NEDD4L: variants seen among roughly 807,000 people sequenced by gnomAD.
NEDD4L encodes NEDD4 like E3 ubiquitin protein ligase, also known as E3 ubiquitin-protein ligase NEDD4-like.
A neutral mutation model predicts 148.9 loss-of-function variants in NEDD4L; 54 were observed. That is an observed-to-expected ratio of 0.36 (90% CI 0.29 to 0.45). The LOEUF (loss-of-function observed/expected upper bound fraction) is 0.45, where lower values mean the gene tolerates loss of function less well. Among genes scored for constraint, NEDD4L ranks in the 20% least tolerant of loss-of-function variants. NEDD4L has a pLI of 1.00. For missense variants in NEDD4L, 856 were observed against 1,233.8 expected, an observed-to-expected ratio of 0.69 and a Z score of 4.59; for synonymous variants, 433 against 440.7, an observed-to-expected ratio of 0.98 and a Z score of 0.22.
chr18:58,364,668 T>TA (rs534010866), intron 20 of NEDD4L, among the ~76,000 whole-genome samples: 111 of 152,328 alleles, frequency 7.3e-4, no homozygotes, highest in African/African-American at 2.5e-3. Flanking sequence ...TATGCGCAGT[T>TA]ATCATATTTA....
chr18:58,219,367 G>A (rs2043488601), intron 2 of NEDD4L, among the ~76,000 whole-genome samples: 1 of 152,180 alleles, frequency 6.6e-6, no homozygotes, highest in Admixed American at 6.5e-5. Context: ...ATGGTTATGG[G>A]GGAATGGTTA....
chr18:58,340,558 G>A (rs1038530379), intron 13 of NEDD4L, among the ~76,000 whole-genome samples: 1 of 152,176 alleles, frequency 6.6e-6, no homozygotes, highest in African/African-American at 2.4e-5. Flanking sequence ...AGAAGCTACA[G>A]TGTTAGGGTC....
At chr18:58,367,424 A>G (rs1212341279) in intron 21 of NEDD4L, among the ~76,000 whole-genome samples, 1 of 152,206 alleles carries the variant, frequency 6.6e-6, no homozygotes, top group Non-Finnish European at 1.5e-5. Flanking sequence ...GAATCCCTGC[A>G]CAGCCCCTTT....
intron 6 of NEDD4L, among the ~76,000 whole-genome samples, chr18:58,316,959 T>C (rs2058338802): frequency 2.7e-5 from 1 of 36,604 alleles, no homozygotes; most frequent in Admixed American, 2.5e-4. Flanking sequence ...TTACTTTATT[T>C]ACTTTATTTA....
intron 2 of NEDD4L, among the ~76,000 whole-genome samples, chr18:58,210,645 T>G (rs1266414725): frequency 2.0e-5 from 3 of 152,288 alleles, no homozygotes; most frequent in Admixed American, 2.0e-4. Flanking sequence ...ACGGGGTTTC[T>G]CCATGTTGGT....
At chr18:58,159,428 G>A (rs1282042530) in intron 1 of NEDD4L, among the ~76,000 whole-genome samples, 3 of 152,116 alleles carry the variant, frequency 2.0e-5, no homozygotes, top group Non-Finnish European at 2.9e-5. Flanking sequence ...ATTGTAACAG[G>A]GATACTACTC....
intron 2 of NEDD4L, among the ~76,000 whole-genome samples, chr18:58,243,352 T>G (rs1049038773): frequency 4.6e-5 from 7 of 152,240 alleles, no homozygotes; most frequent in African/African-American, 9.6e-5. Context: ...AGCAATAGAT[T>G]GTGGCTGGAA....
intron 2 of NEDD4L, among the ~76,000 whole-genome samples, chr18:58,206,323 A>C (rs2147557863): frequency 6.6e-6 from 1 of 152,292 alleles, no homozygotes; most frequent in East Asian, 1.9e-4. Flanking sequence ...CAGGAGACAG[A>C]GGTTGCAGTG....
At chr18:58,292,191 C>T (rs916585378) in intron 5 of NEDD4L, among the ~76,000 whole-genome samples, 3 of 151,020 alleles carry the variant, frequency 2.0e-5, no homozygotes, top group South Asian at 2.1e-4. Context: ...AAGATTAAAC[C>T]GCAAGTTCCC....
At chr18:58,260,038 A>G (rs1219640657) in intron 5 of NEDD4L, among the ~76,000 whole-genome samples, 1 of 152,194 alleles carries the variant, frequency 6.6e-6, no homozygotes, top group Non-Finnish European at 1.5e-5. Flanking sequence ...TATCCAATGT[A>G]TTAACCACCC....
At chr18:58,114,742 G>A (rs1388928079) in intron 1 of NEDD4L, among the ~76,000 whole-genome samples, 3 of 152,212 alleles carry the variant, frequency 2.0e-5, no homozygotes, top group South Asian at 2.1e-4. Context: ...TGTTCCTCCC[G>A]GAGGCTCTAG....
At chr18:58,114,840 G>C (rs549502105) in intron 1 of NEDD4L, among the ~76,000 whole-genome samples, 1 of 152,202 alleles carries the variant, frequency 6.6e-6, no homozygotes, top group African/African-American at 2.4e-5. Context: ...AAAGCCAGCA[G>C]AGTAGCATCT....
chr18:58,264,544 G>A (rs957599619), intron 5 of NEDD4L, among the ~76,000 whole-genome samples: 1 of 151,980 alleles, frequency 6.6e-6, no homozygotes, highest in Non-Finnish European at 1.5e-5. Context: ...GTGATATCTT[G>A]TACCTGTTTA....
chr18:58,053,260 A>G (rs1324641155), intron 1 of NEDD4L, among the ~76,000 whole-genome samples: 1 of 152,010 alleles, frequency 6.6e-6, no homozygotes, highest in African/African-American at 2.4e-5. Context: ...AAGTGCAGTG[A>G]CAAGGGCCTG....
intron 9 of NEDD4L, among the ~76,000 whole-genome samples, chr18:58,326,494 A>G (rs942249977): frequency 1.3e-5 from 2 of 152,230 alleles, no homozygotes; most frequent in South Asian, 2.1e-4. Flanking sequence ...GCCCATAGCT[A>G]TTAGAATTAT....
Position 58,389,122 on chromosome 18 carries a change from A to C in NEDD4L, c.2585A>C (p.Asp862Ala). The C allele has an allele frequency of 6.2e-7, 1 of 1,613,976 alleles. No individual in the cohort carries two copies. The highest frequency in any genetic ancestry group is 1.1e-5 in the South Asian group (1 of 91,072). The change falls in exon 28 of 31, where the codon GAC (aspartate) becomes GCC (alanine). Residue 862 changes from aspartate to alanine, a missense_variant. Coordinates refer to ENST00000400345, the MANE Select transcript of NEDD4L (RefSeq NM_001144967.3). ...GGCCTCGGTGATGTGGATGTGAATG[A>C]CTGGAGACAGCATTCTATTTACAAG... is the stretch of plus-strand genomic sequence containing the variant. ...MCGLGDVDVN[D>A]WRQHSIYKNG...
chr18:58,128,946 T>C (rs1247990190), intron 1 of NEDD4L, among the ~76,000 whole-genome samples: 1 of 152,222 alleles, frequency 6.6e-6, no homozygotes, highest in Non-Finnish European at 1.5e-5. Context: ...AGTTCCAAGC[T>C]ATGAAGCGCC....
At chr18:58,114,949 T>C (rs2085688647) in intron 1 of NEDD4L, among the ~76,000 whole-genome samples, 1 of 152,234 alleles carries the variant, frequency 6.6e-6, no homozygotes, top group African/African-American at 2.4e-5. Flanking sequence ...TGTGTCCATC[T>C]GGATAATCCA....
chr18:58,373,190 A>G lies in NEDD4L; in HGVS notation c.2273A>G (p.Asn758Ser), dbSNP rs202127939. 1.7e-5 allele frequency: 26 copies of G among 1,564,242 alleles called. No homozygotes were observed. In the Admixed American group the frequency reaches 2.2e-4, roughly 13 times the overall value. The change falls in exon 24 of 31, where the codon AAC becomes AGC. Residue 758 changes from asparagine (N) to serine (S), a missense_variant. Asn to Ser is a conservative substitution (Grantham distance 46). Transcript: ENST00000400345. ...ATTCTGTAGGATAGTGAATATTACA[A>G]CTCTTTGAAATGGATCCTGGAGAAT... is the stretch of plus-strand genomic sequence containing the variant. ...DMESVDSEYYNSLKWILENDP... is the reference protein window; with the variant it reads ...DMESVDSEYYSSLKWILENDP...
Sources: gnomAD v4.1 joint callset for allele counts (sites outside exome capture counted in the v4.1 genomes callset) on GRCh38, gnomAD v4.1.1 for gene constraint, MANE v1.5 for transcripts, NCBI Gene and HGNC (gene_info 2026-07-23, HGNC 2026-07-21) for gene names.